The following PIK3CA variants were observed in gnomAD, a reference collection of about 807,000 sequenced individuals.
PIK3CA encodes phosphatidylinositol 4,5-bisphosphate 3-kinase catalytic subunit alpha isoform.
In PIK3CA, 27 loss-of-function variants were observed where a neutral mutation model predicts 138.2. The ratio of observed to expected loss-of-function variants is 0.20; its 90% CI spans 0.14 to 0.27. PIK3CA has a LOEUF of 0.27. Among genes scored for constraint, PIK3CA ranks in the 10% least tolerant of loss-of-function variants. The pLI is 1.00. For missense variants in PIK3CA, 544 were observed against 1,277.4 expected (o/e 0.43, Z 8.75); for synonymous variants, 358 against 413.2 (o/e 0.87, Z 1.62).
Position 179,194,258 on chromosome 3 carries a change from C to G in PIK3CA, c.-76-4492C>G, listed in dbSNP as rs892897658. 2.0e-5 allele frequency among the ~76,000 whole-genome samples: 3 copies of G among 152,266 alleles called. No homozygotes were observed. The East Asian group carries it at 5.8e-4, about 29-fold the overall frequency. ...TTTTTTTTGGAGACAGGGTCTTGCTCTGTTGCCCAGGCTGGAATGCAGTGG... is the reference window on the plus strand; with the variant it reads ...TTTTTTTTGGAGACAGGGTCTTGCTGTGTTGCCCAGGCTGGAATGCAGTGG... On this transcript the variant is annotated intron_variant, in intron 1 of 20. Coordinates refer to ENST00000263967, the MANE Select transcript of PIK3CA (RefSeq NM_006218.4).
chr3:179,207,887 A>G (rs1296685267), intron 6 of PIK3CA, among the ~76,000 whole-genome samples: 1 of 152,028 alleles, frequency 6.6e-6, no homozygotes, highest in Non-Finnish European at 1.5e-5. Flanking sequence ...CTACAATTAT[A>G]TGTGTTACTG....
chr3:179,150,064 T>C (rs1164429733), intron 1 of PIK3CA, among the ~76,000 whole-genome samples: 1 of 151,774 alleles, frequency 6.6e-6, no homozygotes, highest in Non-Finnish European at 1.5e-5. Context: ...ATTGACAGCA[T>C]AGATCTCCAT....
intron 1 of PIK3CA, among the ~76,000 whole-genome samples, chr3:179,196,527 TTTA>T (rs1279142131): frequency 6.6e-6 from 1 of 152,216 alleles, no homozygotes; most frequent in Non-Finnish European, 1.5e-5. Flanking sequence ...GTGGATCTCT[TTTA>T]TAAGTTTGAA....
In PIK3CA at chr3:179,210,492, T is replaced by C; in HGVS notation, c.1466T>C (p.Met489Thr). ...AGCAGTGTGGTAAAGTTCCCAGATA[T>C]GTCAGTGATTGAAGAGCATGCCAAT... ...WFSSVVKFPD[M>T]SVIEEHANWS... The change falls in exon 9 of 21, where the codon ATG becomes ACG. Residue 489 changes from methionine to threonine, a missense_variant. Physicochemically the swap from Met to Thr is moderately conservative, Grantham distance 81. This residue lies in a region of PIK3CA where 52 missense variants were observed against 83.4 expected (regional missense o/e 0.62). Transcript: ENST00000263967. 2.5e-6 allele frequency: 4 copies of C among 1,614,038 alleles called. No individual in the cohort carries two copies. The highest frequency in any genetic ancestry group is 3.4e-6 in the Non-Finnish European group (4 of 1,179,910).
intron 6 of PIK3CA, among the ~76,000 whole-genome samples, chr3:179,206,894 AG>A (rs926498540): frequency 6.7e-6 from 1 of 149,942 alleles, no homozygotes; most frequent in Non-Finnish European, 1.5e-5. Context: ...AGTCCAGTCT[AG>A]GGGGCAGAGT....
rs1725330428 is a variant in PIK3CA, at chr3:179,236,204, T to G, written c.*1840T>G. 9.8e-6 allele frequency: 2 copies of G among 204,332 alleles called. No individual in the cohort carries two copies. Among genetic ancestry groups the G allele is most frequent in the East Asian group, 7.5e-5 (1 of 13,418 alleles). 12.7% of individuals were successfully genotyped at this position (204,332 alleles called of 1,614,324 possible). On this transcript the variant is annotated 3_prime_UTR_variant, in exon 21 of 21. Coordinates refer to ENST00000263967, the MANE Select transcript of PIK3CA (RefSeq NM_006218.4). ...ATTTTAGATCCCTTAAAGGGCATAA[T>G]TATTGGAAATTTAGGTATTTCACTA...
rs150606403 is a variant in PIK3CA, at chr3:179,203,551, G to A, written c.821G>A (p.Arg274Lys). 3 of 1,612,992 alleles carry A rather than the reference G, an allele frequency of 1.9e-6. 1 individual carries two copies. In the South Asian group the frequency reaches 3.3e-5, roughly 18 times the overall value. The change falls in exon 5 of 21, where the codon AGA becomes AAA. Residue 274 changes from arginine to lysine, a missense_variant. This residue lies in a region of PIK3CA where 234 missense variants were observed against 401.3 expected (regional missense o/e 0.58). Coordinates refer to ENST00000263967, the MANE Select transcript of PIK3CA (RefSeq NM_006218.4). ...CCCCTTAATCTCTTACAGTATATAA[G>A]AAGCTGTATAATGCTTGGGAGGATG... ...KYPLSQYKYI[R>K]SCIMLGRMPN...
At chr3:179,195,315 T>C (rs1387607144) in intron 1 of PIK3CA, among the ~76,000 whole-genome samples, 4 of 152,014 alleles carry the variant, frequency 2.6e-5, no homozygotes, top group Non-Finnish European at 5.9e-5. Flanking sequence ...GCCAGCACTG[T>C]ATAATTCCTA....
chr3:179,211,610 T>C (rs1724713212), intron 9 of PIK3CA, among the ~76,000 whole-genome samples: 1 of 152,160 alleles, frequency 6.6e-6, no homozygotes, highest in South Asian at 2.1e-4. Flanking sequence ...GAGGTTGCAG[T>C]GAGCCGAGGT....
chr3:179,195,259 T>G (rs1881921), intron 1 of PIK3CA, among the ~76,000 whole-genome samples: 2 of 145,952 alleles, frequency 1.4e-5, no homozygotes, highest in African/African-American at 5.1e-5. Context: ...GCCTTCTCGG[T>G]GAAAAAAAAA....
rs2108413772 is a variant in PIK3CA, at chr3:179,221,118, T to C, written c.2148T>C (p.Thr716=). ...CAATGGAAAAGCTCATTAACTTAAC[T>C]GACATTCTCAAACAGGAGAAGAAGG... is the stretch of plus-strand genomic sequence containing the variant. ...VEAMEKLINL[T]DILKQEKKDE... is the part of the protein sequence containing the mutation. Residue 716 remains threonine, a synonymous_variant, in exon 14 of 21, where the codon ACT becomes ACC. Coordinates refer to ENST00000263967, the MANE Select transcript of PIK3CA (RefSeq NM_006218.4). 3 of 1,613,322 alleles carry C rather than the reference T, an allele frequency of 1.9e-6. No homozygotes were observed. Among genetic ancestry groups the C allele is most frequent in the Non-Finnish European group, 2.5e-6 (3 of 1,179,468 alleles).
intron 6 of PIK3CA, among the ~76,000 whole-genome samples, chr3:179,208,589 TATA>T (rs1724627665): frequency 6.6e-6 from 1 of 152,196 alleles, no homozygotes; most frequent in African/African-American, 2.4e-5. Flanking sequence ...TATCCATTGT[TATA>T]ATGTTTTTTT....
chr3:179,178,016 G>C (rs994870573), intron 1 of PIK3CA, among the ~76,000 whole-genome samples: 5 of 144,196 alleles, frequency 3.5e-5, no homozygotes, highest in Non-Finnish European at 7.5e-5. Context: ...AAGGTGGGAG[G>C]ATCATTTAAA....
At chr3:179,163,918 C>A (rs1723349365) in intron 1 of PIK3CA, among the ~76,000 whole-genome samples, 1 of 151,992 alleles carries the variant, frequency 6.6e-6, no homozygotes, top group South Asian at 2.1e-4. Flanking sequence ...TTTCGAAAAG[C>A]ACGTGAACAA....
chr3:179,171,258 C>CA (rs1308219292), intron 1 of PIK3CA, among the ~76,000 whole-genome samples: 1 of 151,962 alleles, frequency 6.6e-6, no homozygotes, highest in Non-Finnish European at 1.5e-5. Flanking sequence ...AAAATGAACA[C>CA]AAAATGTAAG....
At chr3:179,158,034 ATGT>A (rs1481256139) in intron 1 of PIK3CA, among the ~76,000 whole-genome samples, 1 of 152,144 alleles carries the variant, frequency 6.6e-6, no homozygotes, top group African/African-American at 2.4e-5. Flanking sequence ...AGTAAGAACC[ATGT>A]TACATTCATC....
intron 1 of PIK3CA, among the ~76,000 whole-genome samples, chr3:179,196,698 A>G (rs1038651733): frequency 1.1e-4 from 17 of 152,158 alleles, no homozygotes; most frequent in East Asian, 5.8e-4. Flanking sequence ...TACCATAATT[A>G]TTTGTTTGCA....
At position 179,232,804 on chromosome 3, in the gene PIK3CA, C is replaced by T. The variant is rs374891962; in HGVS notation, c.2937-1290C>T. ...TATAGCAATGCTGCTGATTTGTGTA[C>T]ACTGATTTTGTAACCTGAGACTTTA... On this transcript the variant is annotated intron_variant, in intron 20 of 20. Coordinates refer to ENST00000263967, the MANE Select transcript of PIK3CA (RefSeq NM_006218.4). 9.9e-5 allele frequency among the ~76,000 whole-genome samples: 15 copies of T among 152,092 alleles called. No individual in the cohort carries two copies. In the East Asian group the frequency reaches 2.1e-3, roughly 22 times the overall value.
At chr3:179,231,665 G>A (rs6770267) in intron 20 of PIK3CA, among the ~76,000 whole-genome samples, 22,714 of 85,602 alleles carry the variant, frequency 0.27, 3,447 homozygotes, top group African/African-American at 0.46. Flanking sequence ...TTTTGAGATG[G>A]AGTCTCACTC....
Sources: allele counts gnomAD v4.1 joint callset (sites outside exome capture counted in the v4.1 genomes callset), GRCh38; gene constraint gnomAD v4.1.1; regional missense constraint gnomAD v4.1.1; transcripts MANE v1.5; gene names NCBI Gene and HGNC (gene_info 2026-07-23, HGNC 2026-07-21).